Variants in QKI observed in about 807,000 individuals in gnomAD.
The protein encoded by QKI is KH domain-containing RNA-binding protein QKI.
A neutral mutation model predicts 39.0 loss-of-function variants in QKI; 10 were observed. The observed-to-expected ratio is 0.26, with a 90% CI of 0.16 to 0.43. The LOEUF (loss-of-function observed/expected upper bound fraction) is 0.43. QKI is among the 20% of genes least tolerant of loss of function. QKI has a pLI of 1.00. For missense variants in QKI, 218 were observed against 428.0 expected (o/e 0.51, Z 4.33); for synonymous variants, 204 against 155.4 (o/e 1.31, Z -2.33).
intron 1 of QKI, among the ~76,000 whole-genome samples, chr6:163,426,436 T>G (rs972294374): frequency 6.6e-6 from 1 of 152,180 alleles, no homozygotes; most frequent in African/African-American, 2.4e-5. Context: ...GGCTCTGCCA[T>G]CAGATAAGGA....
At chr6:163,516,570 G>A (rs1172027612) in intron 3 of QKI, among the ~76,000 whole-genome samples, 1 of 152,180 alleles carries the variant, frequency 6.6e-6, no homozygotes, top group Non-Finnish European at 1.5e-5. Context: ...TGGGATTACA[G>A]GCGTGAGCCA....
intron 3 of QKI, among the ~76,000 whole-genome samples, chr6:163,488,054 C>G (rs1374491642): frequency 6.6e-6 from 1 of 152,026 alleles, no homozygotes; most frequent in Non-Finnish European, 1.5e-5. Context: ...GTTTCCCTGC[C>G]CCCCGCCTTT....
chr6:163,518,272 A>C (rs945513298), intron 3 of QKI, among the ~76,000 whole-genome samples: 2 of 152,096 alleles, frequency 1.3e-5, no homozygotes, highest in African/African-American at 4.8e-5. Context: ...ACTTCAAAAA[A>C]ATTTTTCCTT....
chr6:163,538,474 G>A (rs920975573), intron 4 of QKI, among the ~76,000 whole-genome samples: 4 of 152,236 alleles, frequency 2.6e-5, no homozygotes, highest in Admixed American at 6.5e-5. Context: ...CCAGTGAGGA[G>A]CTTAATGAGC....
chr6:163,569,605 AATG>A (rs1783584962), intron 7 of QKI: 1 of 1,018,120 alleles, frequency 9.8e-7, no homozygotes, highest in Non-Finnish European at 1.2e-6. Context: ...GGACATTGGG[AATG>A]ATAACTTTTC....
chr6:163,423,828 ACTC>A (rs1434687295), intron 1 of QKI, among the ~76,000 whole-genome samples: 2 of 152,172 alleles, frequency 1.3e-5, no homozygotes, highest in Admixed American at 1.3e-4. Context: ...TATTTTTACT[ACTC>A]AAGAGGAAAC....
rs1306673483 is a variant in QKI, at chr6:163,578,302, CA to C, written c.*7593del. On this transcript the variant is annotated 3_prime_UTR_variant, in exon 8 of 8. Transcript: ENST00000361752. ...TTTGCAAGTGAATCCACAATTCTTG[CA>C]GAACTATTTGAGTTGATACTAAAGA... 1 of 152,154 alleles carries C rather than the reference CA, an allele frequency of 6.6e-6. No individual in the cohort carries two copies. The highest frequency in any genetic ancestry group is 6.5e-5 in the Admixed American group (1 of 15,272). The allele number at this position is 152,154 out of a possible 1,614,324, so 9.4% of individuals were successfully genotyped here.
At chr6:163,443,102 T>C (rs1789879526) in intron 1 of QKI, among the ~76,000 whole-genome samples, 2 of 152,228 alleles carry the variant, frequency 1.3e-5, no homozygotes, top group Non-Finnish European at 2.9e-5. Flanking sequence ...TTGCTTACCA[T>C]ATTAAAATAA....
At chr6:163,568,260 CTAATCTT>C (rs1381620036) in intron 7 of QKI, 1 of 984,928 alleles carries the variant, frequency 1.0e-6, no homozygotes, top group Non-Finnish European at 1.2e-6. Flanking sequence ...TTTCCCCCAG[CTAATCTT>C]TCCCTATGTA....
intron 1 of QKI, among the ~76,000 whole-genome samples, chr6:163,427,641 T>C (rs1445973119): frequency 1.5e-4 from 23 of 152,264 alleles, no homozygotes; most frequent in Non-Finnish European, 5.9e-5. Context: ...AATACACATA[T>C]ATTTTAATGT....
intron 2 of QKI, 21 bp from the exon 3 acceptor site, chr6:163,478,759 A>T: frequency 6.9e-7 from 1 of 1,449,024 alleles, no homozygotes; most frequent in African/African-American, 1.4e-5. Flanking sequence ...ATGTATAGTG[A>T]TCCTTTTTTT....
Position 163,542,004 on chromosome 6 carries a change from G to A in QKI, c.546+6879G>A, listed in dbSNP as rs78099103. Among the ~76,000 whole-genome samples, 251 of 151,972 alleles carry A rather than the reference G, an allele frequency of 1.7e-3. 2 individuals are homozygous for A. The highest frequency in any genetic ancestry group is 2.6e-3 in the Non-Finnish European group (174 of 67,868). ...ACTTGCAACTGCATGTCATTTGCAA[G>A]TTCAATTTGTGATCCCAAAAGGCAC... On this transcript the variant is annotated intron_variant, in intron 4 of 7. Transcript: ENST00000361752.
In QKI at chr6:163,575,499, G is replaced by A. The variant is rs1783932437; in HGVS notation, c.*4789G>A. ...CTATTTGACAAAACAGTTGAAAGCT[G>A]AGCTTTCAGTCAAGAAGTTGGTGAA... is the stretch of plus-strand genomic sequence containing the variant. On this transcript the variant is annotated 3_prime_UTR_variant, in exon 8 of 8. Transcript: ENST00000361752. The A allele has an allele frequency of 6.6e-6, 1 of 152,162 alleles. No homozygotes were observed. The highest frequency in any genetic ancestry group is 6.5e-5 in the Admixed American group (1 of 15,274). The allele number at this position is 152,162 out of a possible 1,614,324, so 9.4% of individuals were successfully genotyped here.
At chr6:163,468,519 C>T (rs1311765771) in intron 2 of QKI, among the ~76,000 whole-genome samples, 1 of 152,052 alleles carries the variant, frequency 6.6e-6, no homozygotes, top group African/African-American at 2.4e-5. Flanking sequence ...TACATTTTGT[C>T]ATTGGGAAAA....
intron 1 of QKI, among the ~76,000 whole-genome samples, chr6:163,440,353 C>T: frequency 6.6e-6 from 1 of 152,190 alleles, no homozygotes; most frequent in East Asian, 1.9e-4. Flanking sequence ...ATCCCCAAAT[C>T]TCTCTTTCCT....
chr6:163,416,247 G>A (rs1787483052), intron 1 of QKI: 3 of 284,666 alleles, frequency 1.1e-5, no homozygotes, highest in African/African-American at 4.4e-5. Context: ...GAGCGCTGTG[G>A]GGAGTGAAGA....
intron 1 of QKI, among the ~76,000 whole-genome samples, chr6:163,436,073 G>A (rs1262007152): frequency 2.0e-5 from 3 of 152,212 alleles, no homozygotes; most frequent in East Asian, 3.9e-4. Context: ...GTTCTGTCCC[G>A]CAGTATACAT....
chr6:163,483,806 T>A (rs996180606), intron 3 of QKI, among the ~76,000 whole-genome samples: 4 of 152,256 alleles, frequency 2.6e-5, no homozygotes, highest in Non-Finnish European at 5.9e-5. Context: ...ATGAATGTTC[T>A]TAATGGCATT....
chr6:163,574,698 A>G lies in QKI; in HGVS notation c.*3988A>G, dbSNP rs1294956262. On this transcript the variant is annotated 3_prime_UTR_variant, in exon 8 of 8. Transcript: ENST00000361752. ...GTAAATTAACCTGTAATTATGAATT[A>G]TTTAGTTTAACTCAAGGTGCATTTT... The G allele has an allele frequency of 6.6e-6, 1 of 152,218 alleles. No individual in the cohort carries two copies. The highest frequency in any genetic ancestry group is 2.4e-5 in the African/African-American group (1 of 41,458). The allele number at this position is 152,218 out of a possible 1,614,324, so 9.4% of individuals were successfully genotyped here.
Sources: allele counts gnomAD v4.1 joint callset (sites outside exome capture counted in the v4.1 genomes callset), GRCh38; gene constraint gnomAD v4.1.1; transcripts MANE v1.5; gene names NCBI Gene and HGNC (gene_info 2026-07-23, HGNC 2026-07-21).